The following SULF2 variants were observed in gnomAD, a reference collection of about 807,000 sequenced individuals.
SULF2 encodes extracellular sulfatase Sulf-2.
A neutral mutation model predicts 107.7 loss-of-function variants in SULF2; 52 were observed. The ratio of observed to expected loss-of-function variants is 0.48; its 90% CI spans 0.39 to 0.61. The LOEUF is 0.61. SULF2 is among the 20% of genes least tolerant of loss of function. The probability of loss-of-function intolerance (pLI) is 0.00; values close to 1 mark genes in which losing one functional copy is unlikely to be tolerated. For synonymous variants in SULF2, 460 were observed against 464.3 expected (o/e 0.99, Z 0.12); for missense variants, 993 against 1,177.3 (o/e 0.84, Z 2.29).
intron 10 of SULF2, among the ~76,000 whole-genome samples, chr20:47,676,122 C>T (rs1190755960): frequency 6.6e-6 from 1 of 152,182 alleles, no homozygotes; most frequent in Non-Finnish European, 1.5e-5. Context: ...CTTATTACTC[C>T]TATAAAAGGA....
chr20:47,665,499 C>A (rs911214179), intron 13 of SULF2, among the ~76,000 whole-genome samples: 20 of 152,314 alleles, frequency 1.3e-4, no homozygotes, highest in African/African-American at 4.3e-4. Flanking sequence ...TCCAGCCAGC[C>A]CTTGCAAGGG....
chr20:47,659,254 G>T (rs954227602), intron 20 of SULF2, 145 bp downstream of exon 20: 6 of 684,174 alleles, frequency 8.8e-6, no homozygotes, highest in Non-Finnish European at 1.5e-5. Context: ...CTTAGGGAAA[G>T]ATGTGCATTA....
At chr20:47,710,011 C>T (rs1415346593) in intron 3 of SULF2, among the ~76,000 whole-genome samples, 1 of 151,808 alleles carries the variant, frequency 6.6e-6, no homozygotes, top group East Asian at 1.9e-4. Context: ...AAGCGATTCT[C>T]CCGCCTCAGC....
chr20:47,764,136 C>T (rs764697320), intron 1 of SULF2, among the ~76,000 whole-genome samples: 1 of 152,192 alleles, frequency 6.6e-6, no homozygotes, highest in African/African-American at 2.4e-5. Context: ...CCCTTCTTCC[C>T]CCTCCTCAGG....
In SULF2 at chr20:47,666,836, C is replaced by T. The variant is rs749941758; in HGVS notation, c.1577-348G>A. Among the ~76,000 whole-genome samples, 8 of 152,190 alleles carry T rather than the reference C, an allele frequency of 5.3e-5. No homozygotes were observed. The highest frequency in any genetic ancestry group is 6.5e-5 in the Admixed American group (1 of 15,288). ...AGCGAGGTTCTGATTCACGCTAGAG[C>T]GTGGATGAATGTCAAAAGCAGGCGG... On this transcript the variant is annotated intron_variant, in intron 11 of 20. Coordinates refer to ENST00000688720, the MANE Select transcript of SULF2 (RefSeq NM_001387048.1). The surrounding 1 kb of genome is among the most constrained non-coding windows in gnomAD (Gnocchi z 5.4).
chr20:47,768,854 T>C (rs1176877764), intron 1 of SULF2, among the ~76,000 whole-genome samples: 4 of 150,684 alleles, frequency 2.7e-5, no homozygotes, highest in Non-Finnish European at 5.9e-5. Context: ...CTATTTACTC[T>C]CTGGCCTGAG....
At chr20:47,677,281 A>C in intron 8 of SULF2, 147 bp from the exon 9 acceptor site, 3 of 806,732 alleles carry the variant, frequency 3.7e-6, no homozygotes, top group South Asian at 3.3e-5. Context: ...CCAGCTGGGC[A>C]CTAGAGCATT....
At chr20:47,720,105 C>T (rs534390785) in intron 3 of SULF2, among the ~76,000 whole-genome samples, 9 of 152,222 alleles carry the variant, frequency 5.9e-5, no homozygotes, top group Admixed American at 5.9e-4. Flanking sequence ...CCTGCCACCA[C>T]GACCGGCTAA....
rs934570685 is a variant in SULF2 at position 47,666,797 on chromosome 20, C to T, written c.1577-309G>A. 1.3e-5 allele frequency among the ~76,000 whole-genome samples: 2 copies of T among 152,238 alleles called. No individual in the cohort carries two copies. The highest frequency in any genetic ancestry group is 2.4e-5 in the African/African-American group (1 of 41,466). On this transcript the variant is annotated intron_variant, in intron 11 of 20. Transcript: ENST00000688720. This position sits in a 1 kb window ranked among gnomAD's most constrained non-coding sequence, Gnocchi z 5.4. ...TACATCATCTGTACAACGGAATATGCGACCAGAACCAGGAGCGAGGTTCTG... is the reference window on the plus strand; with the variant it reads ...TACATCATCTGTACAACGGAATATGTGACCAGAACCAGGAGCGAGGTTCTG...
At chr20:47,760,746 A>G (rs2090400774) in intron 1 of SULF2, among the ~76,000 whole-genome samples, 2 of 152,172 alleles carry the variant, frequency 1.3e-5, no homozygotes, top group Admixed American at 6.5e-5. Flanking sequence ...GAGAGTCACA[A>G]TTTCAGGGGA....
Position 47,679,720 on chromosome 20 carries a change from C to A in SULF2, c.1065-916G>T, listed in dbSNP as rs547607457. Among the ~76,000 whole-genome samples, 61 of 152,298 alleles carry A rather than the reference C, an allele frequency of 4.0e-4. No homozygotes were observed. The South Asian group carries it at 0.013, about 32-fold the overall frequency. On this transcript the variant is annotated intron_variant, in intron 7 of 20. Coordinates refer to ENST00000688720, the MANE Select transcript of SULF2 (RefSeq NM_001387048.1). The stretch of plus-strand genomic sequence containing the variant: ...CCTTGATTTCAGCCTAAGCAGACGA[C>A]CCTGCAGGGCTAGGCCCAGGCTTCT...
chr20:47,762,588 A>G (rs561138252), intron 1 of SULF2, among the ~76,000 whole-genome samples: 1 of 152,332 alleles, frequency 6.6e-6, no homozygotes, highest in African/African-American at 2.4e-5. Context: ...ACCCCCTAGA[A>G]GCAGATCTTT....
chr20:47,679,555 A>G (rs1015410150), intron 7 of SULF2, among the ~76,000 whole-genome samples: 6 of 152,044 alleles, frequency 3.9e-5, no homozygotes, highest in Non-Finnish European at 5.9e-5. Context: ...GCCACTCTAA[A>G]TCAGCAGCTA....
At chr20:47,661,645 G>A (rs150098006) in intron 18 of SULF2, 128 bp downstream of exon 18, 28 of 1,022,874 alleles carry the variant, frequency 2.7e-5, no homozygotes, top group African/African-American at 3.3e-5. Context: ...CCCATGACTC[G>A]TCTGGAACTG....
chr20:47,660,077 G>A (rs1469402144), intron 18 of SULF2, among the ~76,000 whole-genome samples: 1 of 152,230 alleles, frequency 6.6e-6, no homozygotes, highest in Admixed American at 6.5e-5. Context: ...CTGACCAAGT[G>A]CAGGAGGGAG....
rs11476982 is a variant in SULF2, at chr20:47,715,582, A to AT, written c.416-12913dup. Among the ~76,000 whole-genome samples the AT allele has an allele frequency of 3.0e-3, 409 of 137,414 alleles. 2 individuals are homozygous for AT. Among genetic ancestry groups the AT allele is most frequent in the African/African-American group, 9.2e-3 (347 of 37,732 alleles). 90.1% of individuals were successfully genotyped at this position (137,414 alleles called of 152,430 possible). A position where few individuals can be genotyped will look rare whatever the true frequency, so the allele number is the denominator to read the frequency against. On this transcript the variant is annotated intron_variant, in intron 3 of 20. Coordinates refer to ENST00000688720, the MANE Select transcript of SULF2 (RefSeq NM_001387048.1). ...GACACAGCTGAGTGAGGGAATGTCG[A>AT]TTTTTTTTTTTTTTTTTGAGATGGA...
At chr20:47,777,179 C>T (rs1198125423) in intron 1 of SULF2, among the ~76,000 whole-genome samples, 1 of 152,114 alleles carries the variant, frequency 6.6e-6, no homozygotes, top group East Asian at 1.9e-4. Flanking sequence ...GTTGTCCTTC[C>T]AGCATTCTAG....
chr20:47,679,341 C>G (rs559689935), intron 7 of SULF2, among the ~76,000 whole-genome samples: 15 of 152,258 alleles, frequency 9.9e-5, no homozygotes, highest in African/African-American at 3.1e-4. Context: ...CCTCAGTGGT[C>G]CCCAGAATCC....
intron 2 of SULF2, among the ~76,000 whole-genome samples, chr20:47,741,147 C>T (rs1049768401): frequency 6.6e-6 from 1 of 152,148 alleles, no homozygotes; most frequent in African/African-American, 2.4e-5. Flanking sequence ...GCCAGAGTCT[C>T]CTCTCCTGAC....
Sources: gnomAD v4.1 joint callset for allele counts (sites outside exome capture counted in the v4.1 genomes callset) on GRCh38, gnomAD v4.1.1 for gene constraint, Gnocchi (gnomAD v3.1) non-coding constraint, MANE v1.5 for transcripts, NCBI Gene and HGNC (gene_info 2026-07-23, HGNC 2026-07-21) for gene names.